BLTP1: variants seen among roughly 807,000 people sequenced by gnomAD.
BLTP1 encodes the protein bridge-like lipid transfer protein family member 1, also known as fragile site-associated protein.
the BLTP1 span, chr4:122,287,637 C>T: frequency 1.0e-6 from 1 of 984,150 alleles, no homozygotes; most frequent in East Asian, 1.1e-4. Context: ...TAACCTGAAG[C>T]ATCTATAAGA....
chr4:122,354,914 C>T, the BLTP1 span, among the ~76,000 whole-genome samples: 2 of 152,092 alleles, frequency 1.3e-5, no homozygotes, highest in Non-Finnish European at 2.9e-5. Flanking sequence ...ATACACCCGC[C>T]TCAGCCTCCC....
the BLTP1 span, chr4:122,261,540 A>AT: frequency 1.7e-5 from 17 of 983,360 alleles, no homozygotes; most frequent in Non-Finnish European, 2.1e-5. Flanking sequence ...GTAATTTTTA[A>AT]TTTTTTTTCA....
the BLTP1 span, chr4:122,298,970 A>G: frequency 3.0e-6 from 3 of 985,256 alleles, no homozygotes; most frequent in Non-Finnish European, 3.6e-6. Flanking sequence ...CAGAAGATGA[A>G]GAGTTGGATC....
chr4:122,321,323 C>G, the BLTP1 span, among the ~76,000 whole-genome samples: 1 of 152,046 alleles, frequency 6.6e-6, no homozygotes, highest in Admixed American at 6.6e-5. Flanking sequence ...ACAAAATAAT[C>G]ATAATCCCTC....
chr4:122,252,186 T>C, the BLTP1 span, among the ~76,000 whole-genome samples: 1 of 152,150 alleles, frequency 6.6e-6, no homozygotes, highest in Non-Finnish European at 1.5e-5. Flanking sequence ...GGTGACCCTC[T>C]ACGATGTGCT....
chr4:122,355,606 T>C, the BLTP1 span: 5 of 152,504 alleles, frequency 3.3e-5, no homozygotes, highest in African/African-American at 1.2e-4. Flanking sequence ...CATATGTATA[T>C]ATATACATAT....
At chr4:122,269,489 T>G in the BLTP1 span, 1 of 985,154 alleles carries the variant, frequency 1.0e-6, no homozygotes, top group African/African-American at 1.7e-5. Flanking sequence ...GCTCCGATGC[T>G]CCACATTCTT....
the BLTP1 span, chr4:122,293,321 G>A: frequency 1.8e-5 from 5 of 280,542 alleles, 1 homozygote; most frequent in South Asian, 2.7e-4. Context: ...TTCAACTGAC[G>A]TATTCAGTTT....
chr4:122,346,612 T>A, the BLTP1 span: 1 of 1,609,078 alleles, frequency 6.2e-7, no homozygotes, highest in Non-Finnish European at 8.5e-7. Context: ...CAAATGTTAT[T>A]TATGTATCAG....
At chr4:122,322,487 C>G in the BLTP1 span, among the ~76,000 whole-genome samples, 152 of 152,164 alleles carry the variant, frequency 1.0e-3, 3 homozygotes, top group East Asian at 0.027. Context: ...AATTTCTAGT[C>G]TGATAATTCC....
chr4:122,189,544 G>C, the BLTP1 span: 1 of 777,294 alleles, frequency 1.3e-6, no homozygotes, highest in South Asian at 5.9e-5. Context: ...TATACAGATA[G>C]ATAAAATGAT....
chr4:122,302,974 C>T, the BLTP1 span, among the ~76,000 whole-genome samples: 1 of 152,194 alleles, frequency 6.6e-6, no homozygotes, highest in Admixed American at 6.5e-5. Flanking sequence ...CATAAAAGTG[C>T]AAACTGAGGA....
the BLTP1 span, chr4:122,229,347 C>A: frequency 2.4e-6 from 2 of 839,508 alleles, no homozygotes; most frequent in Non-Finnish European, 3.5e-6. Flanking sequence ...CACAGACAGC[C>A]ACAAAATTTT....
chr4:122,288,200 A>G, the BLTP1 span, among the ~76,000 whole-genome samples: 1 of 152,146 alleles, frequency 6.6e-6, no homozygotes, highest in Non-Finnish European at 1.5e-5. Context: ...TGTACTAATC[A>G]TAGGACACAA....
chr4:122,194,072 C>T, the BLTP1 span, among the ~76,000 whole-genome samples: 3 of 152,126 alleles, frequency 2.0e-5, no homozygotes, highest in African/African-American at 2.4e-5. Flanking sequence ...CCGTTTTAGC[C>T]GGGATGGTCT....
At chr4:122,296,900 A>G in the BLTP1 span, among the ~76,000 whole-genome samples, 1 of 152,344 alleles carries the variant, frequency 6.6e-6, no homozygotes, top group East Asian at 1.9e-4. Context: ...TCTTCTTTAC[A>G]CCTTATACAA....
chr4:122,263,354 T>C, the BLTP1 span: 1 of 1,443,342 alleles, frequency 6.9e-7, no homozygotes, highest in Non-Finnish European at 9.1e-7. Flanking sequence ...ACATTTTAAC[T>C]TGATTCTTCA....
chr4:122,270,944 A>G, the BLTP1 span: 9 of 1,459,696 alleles, frequency 6.2e-6, no homozygotes, highest in Non-Finnish European at 8.1e-6. Context: ...GATTTTGCCT[A>G]TAAATTAATA....
chr4:122,218,551 A>C, the BLTP1 span, among the ~76,000 whole-genome samples: 1 of 152,208 alleles, frequency 6.6e-6, no homozygotes, highest in South Asian at 2.1e-4. Context: ...TAATTTTGTC[A>C]ATAACCAAAG....
Sources: gnomAD v4.1 joint callset for allele counts (sites outside exome capture counted in the v4.1 genomes callset) on GRCh38, gnomAD v4.1.1 for gene constraint, MANE v1.5 for transcripts, NCBI Gene and HGNC (gene_info 2026-07-23, HGNC 2026-07-21) for gene names.